Variants in ZNF107 observed in about 807,000 individuals in gnomAD.
ZNF107 encodes C2H2 type zinc-finger protein.
ZNF107 carries 19 observed loss-of-function variants against 12.3 expected under a neutral mutation model. The ratio of observed to expected loss-of-function variants is 1.55; its 90% confidence interval spans 1.08 to 2.27. The LOEUF (loss-of-function observed/expected upper bound fraction) is 2.27. ZNF107 is among the 30% of genes most tolerant of loss of function. ZNF107 has a pLI of 0.00. For synonymous variants in ZNF107, 317 were observed against 330.5 expected (o/e 0.96, Z 0.44); for missense variants, 958 against 979.9 (o/e 0.98, Z 0.30).
intron 3 of ZNF107, among the ~76,000 whole-genome samples, chr7:64,692,389 C>T (rs1249121476): frequency 6.6e-6 from 1 of 152,026 alleles, no homozygotes; most frequent in Non-Finnish European, 1.5e-5. Context: ...GTTGATTTTT[C>T]TGCCATTCCA....
At chr7:64,667,398 AAAAAAT>A (rs1789043576) in intron 1 of ZNF107, among the ~76,000 whole-genome samples, 1 of 152,244 alleles carries the variant, frequency 6.6e-6, no homozygotes, top group African/African-American at 2.4e-5. Flanking sequence ...AGAAGAAAAC[AAAAAAT>A]AATCCCCTGA....
In ZNF107 at chr7:64,707,875, A is replaced by G; in HGVS notation, c.1778A>G (p.Asn593Ser). 6.2e-7 allele frequency: 1 copy of G among 1,613,812 alleles called. No individual in the cohort carries two copies. The highest frequency in any genetic ancestry group is 8.5e-7 in the Non-Finnish European group (1 of 1,179,816). The change falls in exon 4 of 4, where the codon AAC (asparagine) becomes AGC (serine). Residue 593 changes from asparagine (N) to serine (S), a missense_variant. Transcript: ENST00000620827. The stretch of plus-strand genomic sequence containing the variant: ...ATAGTTCATACTAAAGAGAAACTCA[A>G]CAAATGTGAAGAATTTGGCAAGGCC... ...HKIVHTKEKL[N>S]KCEEFGKAFK...
intron 1 of ZNF107, chr7:64,689,732 A>G (rs1014818716): frequency 1.3e-5 from 2 of 152,502 alleles, no homozygotes; most frequent in Non-Finnish European, 2.9e-5. Context: ...CTCTCTCACA[A>G]TCACCTAGGC....
At chr7:64,677,918 G>T (rs1789489307) in intron 1 of ZNF107, among the ~76,000 whole-genome samples, 1 of 150,086 alleles carries the variant, frequency 6.7e-6, no homozygotes, top group South Asian at 2.1e-4. Flanking sequence ...CCTGTCTGTT[G>T]TAGGAGAAAA....
At chr7:64,676,971 C>T (rs1789435500) in intron 1 of ZNF107, among the ~76,000 whole-genome samples, 2 of 152,114 alleles carry the variant, frequency 1.3e-5, no homozygotes, top group Admixed American at 1.3e-4. Context: ...GCATGAATGA[C>T]TGTATTTTTC....
At position 64,678,050 on chromosome 7, in the gene ZNF107, C is replaced by T. The variant is rs191766823; in HGVS notation, c.3+11765C>T. 2.4e-4 allele frequency among the ~76,000 whole-genome samples: 36 copies of T among 152,074 alleles called. No homozygotes were observed. In the South Asian group the frequency reaches 6.2e-3, roughly 26 times the overall value. ...AGATTTTTGTCTTTGTTGTTTTGAACGATACATAAATTATATTAACAGCTA... is the reference window on the plus strand; with the variant it reads ...AGATTTTTGTCTTTGTTGTTTTGAATGATACATAAATTATATTAACAGCTA... On this transcript the variant is annotated intron_variant, in intron 1 of 3. Transcript: ENST00000620827.
intron 3 of ZNF107, among the ~76,000 whole-genome samples, chr7:64,701,286 G>GT (rs897810789): frequency 1.1e-4 from 17 of 150,602 alleles, no homozygotes; most frequent in African/African-American, 1.5e-4. Flanking sequence ...TATGAGTTTC[G>GT]TTTTTTTTTC....
At chr7:64,698,449 T>G (rs1268871984) in intron 3 of ZNF107, among the ~76,000 whole-genome samples, 1 of 152,054 alleles carries the variant, frequency 6.6e-6, no homozygotes, top group Non-Finnish European at 1.5e-5. Context: ...TTTGAGACTG[T>G]CTTGCTCTTG....
rs1790639893 is a variant in ZNF107, at chr7:64,706,349, C to T, written c.252C>T (p.Asp84=). Residue 84 remains aspartate, a synonymous_variant, in exon 4 of 4, where the codon GAC becomes GAT. Transcript: ENST00000620827. ...TAATGTCTTTTCATTTTGCCCAAGACCTTTGGCCAGAGCAGAACATAAAAG... is the reference window on the plus strand; with the variant it reads ...TAATGTCTTTTCATTTTGCCCAAGATCTTTGGCCAGAGCAGAACATAAAAG... ...PPVMSFHFAQ[D]LWPEQNIKDS... 1.9e-6 allele frequency: 3 copies of T among 1,573,462 alleles called. No individual in the cohort carries two copies. Among genetic ancestry groups the T allele is most frequent in the Non-Finnish European group, 2.6e-6 (3 of 1,158,982 alleles).
Position 64,684,483 on chromosome 7 carries a change from G to A in ZNF107, c.4-6765G>A, listed in dbSNP as rs1789819532. 1.1e-5 allele frequency: 8 copies of A among 733,588 alleles called. No individual in the cohort carries two copies. The South Asian group carries it at 5.0e-4, about 46-fold the overall frequency. 45.4% of individuals were successfully genotyped at this position (733,588 alleles called of 1,614,324 possible). A position where few individuals can be genotyped will look rare whatever the true frequency, so the allele number is the denominator to read the frequency against. On this transcript the variant is annotated intron_variant, in intron 1 of 3. Coordinates refer to ENST00000620827, the MANE Select transcript of ZNF107 (RefSeq NM_001282359.2). The stretch of plus-strand genomic sequence containing the variant: ...TCTGCTTACAAGATCCTCCTCAGTG[G>A]ATTCACCCTTCCAGAGTAAAGCTGT...
chr7:64,707,670 A>G lies in ZNF107; in HGVS notation c.1573A>G (p.Thr525Ala). ...AGCTTTTAGCCAGTCTTCAAACCTT[A>G]CTGAACATAAGAAAATTCATACTGG... Reference protein sequence around the residue: ...DRAFSQSSNLTEHKKIHTGEK... With the variant: ...DRAFSQSSNLAEHKKIHTGEK... Residue 525 changes from threonine to alanine, a missense_variant, in exon 4 of 4, where the codon ACT becomes GCT. By Grantham distance (58) the Thr-to-Ala change is moderately conservative. Transcript: ENST00000620827. The G allele has an allele frequency of 2.5e-6, 4 of 1,612,834 alleles. No homozygotes were observed. Among genetic ancestry groups the G allele is most frequent in the Non-Finnish European group, 3.4e-6 (4 of 1,179,646 alleles).
intron 1 of ZNF107, among the ~76,000 whole-genome samples, chr7:64,682,784 A>G (rs1167406106): frequency 6.6e-6 from 1 of 151,768 alleles, no homozygotes; most frequent in Non-Finnish European, 1.5e-5. Context: ...ACCTCACACA[A>G]CTACTCTCCT....
intron 3 of ZNF107, among the ~76,000 whole-genome samples, chr7:64,693,548 A>AGCCCTCTGGGTTTGTAGT (rs1222365604): frequency 9.5e-4 from 144 of 152,186 alleles, no homozygotes; most frequent in African/African-American, 3.3e-3. Flanking sequence ...CTTAGTCACA[A>AGCCCTCTGGGTTTGTAGT]GGATGTTGGG....
chr7:64,681,193 A>T (rs1038371803), intron 1 of ZNF107, among the ~76,000 whole-genome samples: 1 of 151,994 alleles, frequency 6.6e-6, no homozygotes, highest in Non-Finnish European at 1.5e-5. Flanking sequence ...ATGGACCATC[A>T]TGGACCTCGG....
intron 3 of ZNF107, among the ~76,000 whole-genome samples, chr7:64,693,477 C>A (rs1173173009): frequency 6.6e-6 from 1 of 151,930 alleles, no homozygotes; most frequent in Admixed American, 6.6e-5. Flanking sequence ...AGGTAAAGAT[C>A]TTTTGTTGAG....
At chr7:64,679,449 G>T in intron 1 of ZNF107, 5 of 816,694 alleles carry the variant, frequency 6.1e-6, no homozygotes, top group Non-Finnish European at 7.4e-6. Context: ...GGGAAGACAG[G>T]CTTCCCTAGG....
At chr7:64,700,157 C>G (rs1409929764) in intron 3 of ZNF107, among the ~76,000 whole-genome samples, 1 of 151,610 alleles carries the variant, frequency 6.6e-6, no homozygotes, top group African/African-American at 2.4e-5. Context: ...ATATGGTTTG[C>G]ATGTCCATGT....
intron 1 of ZNF107, among the ~76,000 whole-genome samples, chr7:64,681,418 A>C (rs755144622): frequency 4.0e-5 from 6 of 151,276 alleles, no homozygotes; most frequent in Admixed American, 6.7e-5. Flanking sequence ...CCACTTGTCC[A>C]GTCCCTCTCC....
chr7:64,707,984 T>G lies in ZNF107; in HGVS notation c.1887T>G (p.Val629=). ...KPYKCEEHGK[V]FNQSSNLTTQ... is the part of the protein sequence containing the mutation. Reference sequence around the variant, plus strand: ...ACAAATGTGAAGAACATGGCAAAGTTTTTAACCAGTCCTCAAACCTTACTA... The same window carrying G: ...ACAAATGTGAAGAACATGGCAAAGTGTTTAACCAGTCCTCAAACCTTACTA... Residue 629 remains valine, a synonymous_variant, in exon 4 of 4, where the codon GTT becomes GTG. Transcript: ENST00000620827. 6.2e-7 allele frequency: 1 copy of G among 1,613,334 alleles called. No individual in the cohort carries two copies. The highest frequency in any genetic ancestry group is 8.5e-7 in the Non-Finnish European group (1 of 1,179,674).
Sources: gnomAD v4.1 joint callset for allele counts (sites outside exome capture counted in the v4.1 genomes callset) on GRCh38, gnomAD v4.1.1 for gene constraint, MANE v1.5 for transcripts, NCBI Gene and HGNC (gene_info 2026-07-23, HGNC 2026-07-21) for gene names.